ADCYAP1R1: variants seen among roughly 807,000 people sequenced by gnomAD.
ADCYAP1R1 encodes ADCYAP receptor type I, also known as pituitary adenylate cyclase-activating polypeptide type I receptor.
ADCYAP1R1 carries 44 observed loss-of-function variants against 67.6 expected under a neutral mutation model. That is an observed-to-expected ratio of 0.65 (90% CI 0.51 to 0.84). The LOEUF (loss-of-function observed/expected upper bound fraction) is 0.84, where lower values mean the gene tolerates loss of function less well. Ranked by LOEUF, ADCYAP1R1 falls within the 40% of genes least tolerant of loss-of-function variation. ADCYAP1R1 has a pLI of 0.00. For missense variants in ADCYAP1R1, 477 were observed against 587.9 expected, an observed-to-expected ratio of 0.81 and a Z score of 1.95; for synonymous variants, 222 against 219.6, an observed-to-expected ratio of 1.01 and a Z score of -0.10.
At chr7:31,082,071 T>C (rs1039937667) in intron 6 of ADCYAP1R1, among the ~76,000 whole-genome samples, 59 of 152,214 alleles carry the variant, frequency 3.9e-4, no homozygotes, top group African/African-American at 1.4e-3. Context: ...GCTCTCAAAC[T>C]TTAACCGTGC....
intron 3 of ADCYAP1R1, among the ~76,000 whole-genome samples, chr7:31,073,449 G>A (rs1795073682): frequency 6.6e-6 from 1 of 152,178 alleles, no homozygotes; most frequent in Non-Finnish European, 1.5e-5. Context: ...TGTTGAGACT[G>A]GAGTGTGGAA....
chr7:31,073,209 A>G (rs1295228981), intron 3 of ADCYAP1R1, among the ~76,000 whole-genome samples: 1 of 152,220 alleles, frequency 6.6e-6, no homozygotes, highest in Non-Finnish European at 1.5e-5. Context: ...ATAAAAATCT[A>G]AAATTATTAA....
intron 13 of ADCYAP1R1, chr7:31,095,647 T>C (rs1244825467): frequency 1.4e-6 from 1 of 717,522 alleles, no homozygotes; most frequent in Non-Finnish European, 2.6e-6. Context: ...AGCTCTCCGG[T>C]TTTTTCCTCT....
chr7:31,065,029 T>C, intron 3 of ADCYAP1R1, 93 bp downstream of exon 3: 1 of 930,792 alleles, frequency 1.1e-6, no homozygotes, highest in Non-Finnish European at 1.6e-6. Context: ...GTGGTCAAGG[T>C]ATGGGTTTCT....
At chr7:31,089,985 A>C (rs1193442572) in intron 12 of ADCYAP1R1, among the ~76,000 whole-genome samples, 2 of 151,886 alleles carry the variant, frequency 1.3e-5, no homozygotes, top group Non-Finnish European at 2.9e-5. Context: ...TTCTCTCCTT[A>C]TTCTGTTTTT....
At chr7:31,104,814 G>A in intron 14 of ADCYAP1R1, 54 bp from the exon 15 acceptor site, 1 of 1,597,326 alleles carries the variant, frequency 6.3e-7, no homozygotes, top group Non-Finnish European at 8.6e-7. Context: ...GCCCCACACA[G>A]CATTTCAGAA....
chr7:31,072,540 C>T (rs973662007), intron 3 of ADCYAP1R1, among the ~76,000 whole-genome samples: 2 of 152,130 alleles, frequency 1.3e-5, no homozygotes, highest in Non-Finnish European at 2.9e-5. Flanking sequence ...TGCCATTGCT[C>T]CAAATCAAGC....
At chr7:31,057,266 C>T (rs1472774148) in intron 1 of ADCYAP1R1, among the ~76,000 whole-genome samples, 1 of 152,210 alleles carries the variant, frequency 6.6e-6, no homozygotes, top group Non-Finnish European at 1.5e-5. Context: ...CTCCTCTTAC[C>T]TGGCCCAGGG....
chr7:31,086,562 C>T lies in ADCYAP1R1; in HGVS notation c.823+25C>T. Reference sequence around the variant, plus strand: ...GGTAGGTTCCTGGCTGTGGCTTGGACAGGTTCAGGTCCCGTGGTCAGGTGT... The same window carrying T: ...GGTAGGTTCCTGGCTGTGGCTTGGATAGGTTCAGGTCCCGTGGTCAGGTGT... On this transcript the variant is annotated intron_variant, in intron 10 of 15. Coordinates refer to ENST00000304166, the MANE Select transcript of ADCYAP1R1 (RefSeq NM_001118.5). This position sits in a 1 kb window ranked among gnomAD's most constrained non-coding sequence, Gnocchi z 5.0. 6.2e-7 allele frequency: 1 copy of T among 1,613,588 alleles called. No individual in the cohort carries two copies. The highest frequency in any genetic ancestry group is 8.5e-7 in the Non-Finnish European group (1 of 1,179,688).
chr7:31,090,962 G>A (rs1795940403), intron 12 of ADCYAP1R1, among the ~76,000 whole-genome samples: 1 of 152,122 alleles, frequency 6.6e-6, no homozygotes, highest in Non-Finnish European at 1.5e-5. Flanking sequence ...GTCTAATGAT[G>A]GTTCTGTTTT....
intron 14 of ADCYAP1R1, among the ~76,000 whole-genome samples, chr7:31,104,469 A>G (rs1223324924): frequency 6.6e-6 from 1 of 152,216 alleles, no homozygotes; most frequent in Non-Finnish European, 1.5e-5. Context: ...ATGGTGGACA[A>G]GGATGGCACA....
chr7:31,095,601 G>A, intron 13 of ADCYAP1R1: 1 of 716,040 alleles, frequency 1.4e-6, no homozygotes, highest in East Asian at 2.7e-5. Flanking sequence ...AGAGTTATGT[G>A]TGGGGCCAAG....
chr7:31,104,533 G>A (rs1033694412), intron 14 of ADCYAP1R1, among the ~76,000 whole-genome samples: 3 of 152,156 alleles, frequency 2.0e-5, no homozygotes, highest in Admixed American at 6.5e-5. Flanking sequence ...GGATGGTTAG[G>A]AGCTAAGAGA....
chr7:31,080,216 G>A (rs1046621945), intron 4 of ADCYAP1R1, among the ~76,000 whole-genome samples: 1 of 152,204 alleles, frequency 6.6e-6, no homozygotes, highest in Admixed American at 6.5e-5. Context: ...GTTCATTAAG[G>A]CAGGGCCTTT....
rs1794059915 is a variant in ADCYAP1R1 at position 31,052,597 on chromosome 7, G to C, written c.-153G>C. 6.6e-6 allele frequency: 1 copy of C among 151,602 alleles called. No homozygotes were observed. The highest frequency in any genetic ancestry group is 1.5e-5 in the Non-Finnish European group (1 of 67,864). 9.4% of individuals were successfully genotyped at this position (151,602 alleles called of 1,614,324 possible). On this transcript the variant is annotated 5_prime_UTR_variant, in exon 1 of 16. Transcript: ENST00000304166. ...CGGCGCACACGCTCCCCATCCCCGC[G>C]CCGCGCGGGCCGCGGACTTGCAGGC...
chr7:31,064,210 T>C (rs1451725025), intron 2 of ADCYAP1R1, among the ~76,000 whole-genome samples: 1 of 152,234 alleles, frequency 6.6e-6, no homozygotes, highest in Non-Finnish European at 1.5e-5. Context: ...ATAGCAGCAC[T>C]GCTCCTTAGC....
chr7:31,110,792 A>G lies in ADCYAP1R1; in HGVS notation c.*4108A>G, dbSNP rs984542878. On this transcript the variant is annotated 3_prime_UTR_variant, in exon 16 of 16. Coordinates refer to ENST00000304166, the MANE Select transcript of ADCYAP1R1 (RefSeq NM_001118.5). ...CCTCCTAATCTGGGTAATGGGGAGG[A>G]CTTCATTGGCATTGTTAGTCCCACA... The G allele has an allele frequency of 6.6e-6, 1 of 152,216 alleles. No homozygotes were observed. Among genetic ancestry groups the G allele is most frequent in the African/African-American group, 2.4e-5 (1 of 41,428 alleles). The allele number at this position is 152,216 out of a possible 1,614,324, so 9.4% of individuals were successfully genotyped here.
intron 7 of ADCYAP1R1, 144 bp downstream of exon 7, chr7:31,084,394 C>G (rs1795650947): frequency 7.4e-6 from 5 of 678,084 alleles, no homozygotes; most frequent in South Asian, 5.6e-5. Context: ...CCTGGCTACT[C>G]TTACAGGATA....
chr7:31,087,024 C>T, intron 11 of ADCYAP1R1, 21 bp downstream of exon 11: 1 of 1,613,778 alleles, frequency 6.2e-7, no homozygotes, highest in Non-Finnish European at 8.5e-7. Context: ...GCGCGAGAGT[C>T]AGGGCCACAG....
Sources: gnomAD v4.1 joint callset for allele counts (sites outside exome capture counted in the v4.1 genomes callset) on GRCh38, gnomAD v4.1.1 for gene constraint, Gnocchi (gnomAD v3.1) non-coding constraint, MANE v1.5 for transcripts, NCBI Gene and HGNC (gene_info 2026-07-23, HGNC 2026-07-21) for gene names.